The following NTRK3 variants were observed in gnomAD, a reference collection of about 807,000 sequenced individuals.
The protein encoded by NTRK3 is neurotrophic receptor tyrosine kinase 3.
NTRK3 carries 24 observed loss-of-function variants against 91.7 expected under a neutral mutation model. The ratio of observed to expected loss-of-function variants is 0.26; its 90% CI spans 0.19 to 0.37. NTRK3 has a LOEUF of 0.37. NTRK3 is among the 10% of genes least tolerant of loss of function. The pLI, the probability that NTRK3 is intolerant of heterozygous loss-of-function variation, is 1.00. For missense variants in NTRK3, 880 were observed against 1,068.9 expected (o/e 0.82, Z 2.46); for synonymous variants, 483 against 404.0 (o/e 1.20, Z -2.34).
chr15:88,172,787 GGCAT>G (rs2045641259), intron 5 of NTRK3, among the ~76,000 whole-genome samples: 1 of 152,100 alleles, frequency 6.6e-6, no homozygotes, highest in Non-Finnish European at 1.5e-5. Flanking sequence ...GGGGTTGGGG[GGCAT>G]GAGTAATCTC....
chr15:88,101,260 G>GA (rs1332263798), intron 13 of NTRK3, among the ~76,000 whole-genome samples: 2 of 152,170 alleles, frequency 1.3e-5, no homozygotes, highest in Non-Finnish European at 2.9e-5. Context: ...AAAGACACAT[G>GA]AAAAAATGCT....
At chr15:87,883,987 G>GA (rs397829494) in intron 17 of NTRK3, among the ~76,000 whole-genome samples, 94,261 of 136,714 alleles carry the variant, frequency 0.69, 31,555 homozygotes, top group Non-Finnish European at 0.74. Flanking sequence ...GATTCAGCAA[G>GA]AAAAAAAAAA....
chr15:88,220,728 C>T (rs754920030), intron 3 of NTRK3, among the ~76,000 whole-genome samples: 9 of 152,254 alleles, frequency 5.9e-5, no homozygotes, highest in Admixed American at 1.3e-4. Flanking sequence ...TTCTTCCCAG[C>T]GAGAGCGGGA....
chr15:88,144,897 T>C (rs763932850), intron 6 of NTRK3, among the ~76,000 whole-genome samples: 1 of 152,186 alleles, frequency 6.6e-6, no homozygotes, highest in Non-Finnish European at 1.5e-5. Context: ...CAGAGGTCCT[T>C]AGTGACAGAA....
intron 13 of NTRK3, among the ~76,000 whole-genome samples, chr15:88,078,900 AG>A (rs1402636288): frequency 6.6e-6 from 1 of 152,206 alleles, no homozygotes; most frequent in Non-Finnish European, 1.5e-5. Context: ...GCAGGGGCTT[AG>A]GTCAGGAGGT....
intron 3 of NTRK3, among the ~76,000 whole-genome samples, chr15:88,207,717 A>C (rs1393044075): frequency 7.6e-6 from 1 of 131,110 alleles, no homozygotes; most frequent in Admixed American, 7.8e-5. Flanking sequence ...TATTTTCCCC[A>C]GATAAGCCAA....
At chr15:88,156,641 CG>C in intron 5 of NTRK3, among the ~76,000 whole-genome samples, 1 of 152,230 alleles carries the variant, frequency 6.6e-6, no homozygotes, top group Admixed American at 6.5e-5. Flanking sequence ...TCTCTGCAGA[CG>C]GCTAGCACCA....
At chr15:88,175,585 G>A (rs2045924554) in intron 5 of NTRK3, among the ~76,000 whole-genome samples, 1 of 152,022 alleles carries the variant, frequency 6.6e-6, no homozygotes, top group Non-Finnish European at 1.5e-5. Context: ...AATTTTAGAT[G>A]ATATTGATAT....
intron 5 of NTRK3, among the ~76,000 whole-genome samples, chr15:88,180,607 TA>T (rs1256798561): frequency 6.7e-6 from 1 of 149,234 alleles, no homozygotes; most frequent in East Asian, 2.0e-4. Flanking sequence ...ACATCAGTAC[TA>T]GGGGCAATGA....
exon 19 of NTRK3, chr15:87,869,383 A>T: frequency 4.4e-6 from 1 of 228,050 alleles, no homozygotes; most frequent in East Asian, 6.3e-5. Flanking sequence ...CACTGCACAG[A>T]GGTTAATCTA....
At chr15:87,984,432 G>C (rs2074559857) in intron 14 of NTRK3, among the ~76,000 whole-genome samples, 1 of 152,200 alleles carries the variant, frequency 6.6e-6, no homozygotes, top group South Asian at 2.1e-4. Context: ...TCTTTTCCTT[G>C]GGTGTAGTTA....
chr15:88,210,680 G>T (rs891554153), intron 3 of NTRK3, among the ~76,000 whole-genome samples: 3 of 152,050 alleles, frequency 2.0e-5, no homozygotes, highest in African/African-American at 7.3e-5. Context: ...TAAGTTTACA[G>T]AGTCTTTAGA....
chr15:87,986,061 A>T (rs572028438), intron 14 of NTRK3, among the ~76,000 whole-genome samples: 15 of 152,250 alleles, frequency 9.9e-5, no homozygotes, highest in Non-Finnish European at 1.5e-4. Flanking sequence ...AATACTAGTC[A>T]TATGGAAAAA....
At chr15:88,043,506 G>A (rs1294809800) in intron 13 of NTRK3, among the ~76,000 whole-genome samples, 1 of 152,214 alleles carries the variant, frequency 6.6e-6, no homozygotes, top group Non-Finnish European at 1.5e-5. Flanking sequence ...TTGAGGTCAT[G>A]CAGTGCCAGG....
chr15:87,865,707 A>C (rs2064652658), exon 19 of NTRK3: 1 of 222,938 alleles, frequency 4.5e-6, no homozygotes, highest in Admixed American at 5.7e-5. Context: ...GCAAGAGTTG[A>C]TGGCAAGGAA....
intron 13 of NTRK3, among the ~76,000 whole-genome samples, chr15:88,057,168 C>CAAAAAAAA (rs547432747): frequency 6.8e-5 from 4 of 59,136 alleles, no homozygotes; most frequent in East Asian, 4.6e-4. Context: ...AACTCCGTCT[C>CAAAAAAAA]AAAAAAAAAA....
intron 13 of NTRK3, among the ~76,000 whole-genome samples, chr15:88,111,902 G>GTTT (rs2051407324): frequency 1.1e-5 from 1 of 91,766 alleles, no homozygotes; most frequent in Non-Finnish European, 2.2e-5. Context: ...TTTTTTTTTT[G>GTTT]TTTTTGTTTT....
At chr15:87,871,437 C>T (rs898764827) in exon 19 of NTRK3, 1 of 230,342 alleles carries the variant, frequency 4.3e-6, no homozygotes. Flanking sequence ...TGATCAAAAT[C>T]TCACATTCTC....
intron 5 of NTRK3, among the ~76,000 whole-genome samples, chr15:88,174,475 T>A (rs2045811792): frequency 1.3e-5 from 2 of 152,144 alleles, no homozygotes; most frequent in Non-Finnish European, 2.9e-5. Flanking sequence ...CACCACTGCA[T>A]ATAGTCCTGA....
Sources: allele counts gnomAD v4.1 joint callset (sites outside exome capture counted in the v4.1 genomes callset), GRCh38; gene constraint gnomAD v4.1.1; transcripts MANE v1.5; gene names NCBI Gene and HGNC (gene_info 2026-07-23, HGNC 2026-07-21).